Variants in N4BP2L2 observed in about 807,000 individuals in gnomAD.
The protein encoded by N4BP2L2 is NEDD4 binding protein 2 like 2.
Under a neutral mutation model 56.2 loss-of-function variants are expected in N4BP2L2, and 50 were observed. The ratio of observed to expected loss-of-function variants is 0.89; its 90% CI spans 0.71 to 1.13. The LOEUF is 1.13. N4BP2L2 is among the 50% of genes most tolerant of loss of function. The pLI, the probability that N4BP2L2 is intolerant of heterozygous loss-of-function variation, is 0.00. For missense variants in N4BP2L2, 689 were observed against 693.8 expected (o/e 0.99, Z 0.08); for synonymous variants, 203 against 223.6 (o/e 0.91, Z 0.82).
chr13:32,463,938 A>T (rs959027836), intron 6 of N4BP2L2, among the ~76,000 whole-genome samples: 1 of 146,842 alleles, frequency 6.8e-6, no homozygotes, highest in Non-Finnish European at 1.5e-5. Context: ...AAAAAAAAAA[A>T]GGTAAAGGGA....
intron 6 of N4BP2L2, among the ~76,000 whole-genome samples, chr13:32,486,859 C>A (rs1054443391): frequency 2.6e-5 from 4 of 151,572 alleles, no homozygotes; most frequent in Non-Finnish European, 4.4e-5. Context: ...ATTAGCCAGG[C>A]GTGGTGGCAT....
intron 6 of N4BP2L2, among the ~76,000 whole-genome samples, chr13:32,468,675 G>A (rs1004825372): frequency 6.6e-6 from 1 of 152,192 alleles, no homozygotes; most frequent in East Asian, 1.9e-4. Flanking sequence ...TGAGTTTAGG[G>A]TGCAGGTGCA....
chr13:32,437,018 T>C (rs1424853077), intron 8 of N4BP2L2, among the ~76,000 whole-genome samples: 1 of 151,878 alleles, frequency 6.6e-6, no homozygotes, highest in Non-Finnish European at 1.5e-5. Flanking sequence ...GTAGCTGTGA[T>C]TACAGGCAAG....
chr13:32,442,324 C>A, intron 7 of N4BP2L2: 7 of 1,346,604 alleles, frequency 5.2e-6, no homozygotes, highest in African/African-American at 3.0e-5. Context: ...GGTAGAAACA[C>A]CTCCAGAATT....
At chr13:32,457,429 T>A (rs1566053663) in intron 6 of N4BP2L2, among the ~76,000 whole-genome samples, 1 of 152,106 alleles carries the variant, frequency 6.6e-6, no homozygotes, top group Non-Finnish European at 1.5e-5. Context: ...CATGGCACAT[T>A]ATAGCCAAAC....
intron 6 of N4BP2L2, among the ~76,000 whole-genome samples, chr13:32,496,208 T>A (rs953638291): frequency 6.6e-6 from 1 of 151,408 alleles, no homozygotes; most frequent in Non-Finnish European, 1.5e-5. Context: ...ATTTTTTATT[T>A]TTTTTTTTTT....
At chr13:32,458,344 C>T (rs1162542128) in intron 6 of N4BP2L2, among the ~76,000 whole-genome samples, 1 of 152,156 alleles carries the variant, frequency 6.6e-6, no homozygotes, top group Non-Finnish European at 1.5e-5. Context: ...GGATTACAGG[C>T]GTGAGCCACT....
exon 6 of N4BP2L2, chr13:32,517,150 A>G (rs1460796728): frequency 1.0e-5 from 10 of 985,208 alleles, no homozygotes; most frequent in Non-Finnish European, 1.1e-5. Flanking sequence ...GGGGTTAGGG[A>G]GATGGGTTGA....
exon 7 of N4BP2L2, chr13:32,443,042 A>T: frequency 6.2e-7 from 1 of 1,607,862 alleles, no homozygotes; most frequent in Non-Finnish European, 8.5e-7. Context: ...AATAAGTCAA[A>T]ATTTGGTACC....
intron 6 of N4BP2L2, among the ~76,000 whole-genome samples, chr13:32,462,391 T>C (rs996883606): frequency 6.6e-5 from 10 of 152,108 alleles, no homozygotes; most frequent in Admixed American, 5.2e-4. Flanking sequence ...CTAAAAGAGC[T>C]GATCTCATGG....
rs1043855842 is a variant in N4BP2L2 at position 32,532,492 on chromosome 13, G to A, written c.1259+3277C>T. Among the ~76,000 whole-genome samples, 35 of 151,244 alleles carry A rather than the reference G, an allele frequency of 2.3e-4. 1 individual carries two copies. Among genetic ancestry groups the A allele is most frequent in the Non-Finnish European group, 8.8e-5 (6 of 67,900 alleles). ...TGACAATCAAATATCCTATTACCAT[G>A]TATTGAATATTTTGCCCTACTAATA... is the stretch of plus-strand genomic sequence containing the variant. On this transcript the variant is annotated intron_variant, in intron 2 of 5. Transcript: ENST00000267068.
rs533913688 is a variant in N4BP2L2, at chr13:32,443,845, T to C, written c.647A>G (p.Asp216Gly). 1.8e-5 allele frequency: 28 copies of C among 1,576,494 alleles called. No homozygotes were observed. The South Asian group carries it at 3.3e-4, about 19-fold the overall frequency. ...AACGTTTTGGAAACTGTCTTTAGGA[T>C]CTTTATTTTTCCATCTTTTTTCTTT... Residue 216 changes from aspartate (D) to glycine (G), a missense_variant, in exon 7 of 10, where the codon GAT becomes GGT. Transcript: ENST00000357505.
intron 6 of N4BP2L2, among the ~76,000 whole-genome samples, chr13:32,453,638 C>A (rs1158968785): frequency 2.0e-5 from 3 of 152,192 alleles, no homozygotes; most frequent in Non-Finnish European, 4.4e-5. Flanking sequence ...AGACATATGT[C>A]ACTGTGCCTA....
At chr13:32,538,814 C>G, upstream of N4BP2L2, 6 of 985,402 alleles carry the variant, frequency 6.1e-6, no homozygotes, top group African/African-American at 1.7e-5. Flanking sequence ...CTCGGTTACC[C>G]AGGCCAAAAC....
intron 4 of N4BP2L2, chr13:32,521,791 C>A (rs1414699463): frequency 3.8e-6 from 1 of 262,448 alleles, no homozygotes; most frequent in Admixed American, 5.6e-5. Context: ...GCCTGGCCAA[C>A]ATGGTGAAAC....
exon 7 of N4BP2L2, chr13:32,443,469 A>G (rs1346434156): frequency 6.8e-6 from 11 of 1,613,614 alleles, no homozygotes; most frequent in Non-Finnish European, 9.3e-6. Flanking sequence ...TTTTAGTTGT[A>G]TACACTTGTT....
chr13:32,520,825 T>C (rs901242701), intron 5 of N4BP2L2, among the ~76,000 whole-genome samples: 6 of 152,180 alleles, frequency 3.9e-5, no homozygotes, highest in Non-Finnish European at 2.9e-5. Context: ...GAAAACTCAG[T>C]TCTCCCTGAC....
At chr13:32,503,197 A>AAAAAT (rs2090339828) in intron 6 of N4BP2L2, among the ~76,000 whole-genome samples, 2 of 147,752 alleles carry the variant, frequency 1.4e-5, no homozygotes, top group African/African-American at 5.1e-5. Flanking sequence ...AAAAAAAAAA[A>AAAAAT]TTATATTGCA....
chr13:32,482,976 G>T (rs138519151), intron 6 of N4BP2L2, among the ~76,000 whole-genome samples: 42 of 152,216 alleles, frequency 2.8e-4, no homozygotes, highest in African/African-American at 9.6e-4. Context: ...TTAAATTCTA[G>T]TGTGCTCTAA....
Sources: gnomAD v4.1 joint callset for allele counts (sites outside exome capture counted in the v4.1 genomes callset) on GRCh38, gnomAD v4.1.1 for gene constraint, MANE v1.5 for transcripts, NCBI Gene and HGNC (gene_info 2026-07-23, HGNC 2026-07-21) for gene names.